Variants in TRPS1 observed in about 807,000 individuals in gnomAD.
TRPS1 encodes transcriptional repressor GATA binding 1, also known as zinc finger transcription factor Trps1.
TRPS1 carries 6 observed loss-of-function variants against 101.2 expected under a neutral mutation model. The ratio of observed to expected loss-of-function variants is 0.06; its 90% CI spans 0.03 to 0.12. TRPS1 has a LOEUF of 0.12. TRPS1 is among the 10% of genes least tolerant of loss of function. The pLI is 1.00. For synonymous variants in TRPS1, 578 were observed against 589.8 expected (o/e 0.98, Z 0.29); for missense variants, 1,363 against 1,567.0 (o/e 0.87, Z 2.20).
At chr8:115,640,579 C>T (rs1291730280) in intron 1 of TRPS1, among the ~76,000 whole-genome samples, 6 of 152,256 alleles carry the variant, frequency 3.9e-5, no homozygotes, top group East Asian at 3.9e-4. Context: ...AATATGAACA[C>T]GCATAAAACA....
intron 5 of TRPS1, among the ~76,000 whole-genome samples, chr8:115,499,598 A>G (rs946110495): frequency 6.6e-6 from 1 of 152,254 alleles, no homozygotes; most frequent in African/African-American, 2.4e-5. Context: ...TAAATCAACA[A>G]GAACATTAGA....
At chr8:115,439,025 G>A (rs564528708) in intron 5 of TRPS1, among the ~76,000 whole-genome samples, 8 of 152,142 alleles carry the variant, frequency 5.3e-5, no homozygotes, top group Non-Finnish European at 8.8e-5. Context: ...CTATCCCTGG[G>A]ACATGGGGTA....
Position 115,624,054 on chromosome 8 carries a change from A to C in TRPS1, c.-121-296T>G, listed in dbSNP as rs2721940. ...TCAACCCTAATGACCATAATACTTA[A>C]CTACATTGGGGTGGGGATAAAAGAT... is the stretch of plus-strand genomic sequence containing the variant. On this transcript the variant is annotated intron_variant, in intron 1 of 6. Transcript: ENST00000395715. Among the ~76,000 whole-genome samples, 110,183 of 151,858 alleles carry C rather than the reference A, an allele frequency of 0.73. 41,358 individuals are homozygous for C. The highest frequency in any genetic ancestry group is 0.92 in the African/African-American group (38,057 of 41,532).
chr8:115,419,901 A>G (rs544230623), intron 5 of TRPS1, among the ~76,000 whole-genome samples: 1 of 152,284 alleles, frequency 6.6e-6, no homozygotes, highest in South Asian at 2.1e-4. Flanking sequence ...ATCCTCCATT[A>G]ATCATCAATA....
At position 115,619,503 on chromosome 8, in the gene TRPS1, T is replaced by G. The variant is rs770673384; in HGVS notation, c.595A>C (p.Asn199His). The change falls in exon 3 of 7, where the codon AAC becomes CAC. Residue 199 changes from asparagine (N) to histidine (H), a missense_variant. Transcript: ENST00000395715. Reference protein sequence around the residue: ...GLSPVSVASKNPQVPSDGGVR... With the variant: ...GLSPVSVASKHPQVPSDGGVR... ...CCCCCATCTGAAGGCACTTGTGGGT[T>G]TTTTGAGGCCACTGAAACTGGGCTC... is the stretch of plus-strand genomic sequence containing the variant. The G allele has an allele frequency of 1.9e-6, 3 of 1,614,186 alleles. No individual in the cohort carries two copies. The highest frequency in any genetic ancestry group is 2.5e-6 in the Non-Finnish European group (3 of 1,180,024).
chr8:115,607,498 T>C (rs999834240), intron 3 of TRPS1, among the ~76,000 whole-genome samples: 1 of 151,766 alleles, frequency 6.6e-6, no homozygotes, highest in African/African-American at 2.4e-5. Context: ...GGCTATATAT[T>C]TTAATTATGC....
intron 5 of TRPS1, among the ~76,000 whole-genome samples, chr8:115,564,604 T>C (rs1817024437): frequency 6.6e-6 from 1 of 152,100 alleles, no homozygotes; most frequent in Non-Finnish European, 1.5e-5. Context: ...GGTGTACGTT[T>C]AAACAGCTCA....
At chr8:115,440,812 T>C (rs781433853) in intron 5 of TRPS1, among the ~76,000 whole-genome samples, 10 of 152,210 alleles carry the variant, frequency 6.6e-5, no homozygotes, top group Non-Finnish European at 1.0e-4. Flanking sequence ...GTTACCTAGA[T>C]AGTACTGTCA....
At chr8:115,573,989 A>G (rs1444144696) in intron 5 of TRPS1, among the ~76,000 whole-genome samples, 1 of 152,194 alleles carries the variant, frequency 6.6e-6, no homozygotes, top group African/African-American at 2.4e-5. Context: ...TCTTTAAACA[A>G]TCATAATCAT....
chr8:115,604,709 A>C lies in TRPS1; in HGVS notation c.1260T>G (p.Asp420Glu), dbSNP rs370908397. Residue 420 changes from aspartate (D) to glutamate (E), a missense_variant, in exon 4 of 7, where the codon GAT becomes GAG. Around this residue, in one of 5 missense-constraint regions of TRPS1, gnomAD observed 1,020 missense variants for 1,073.0 expected, o/e 0.95. Coordinates refer to ENST00000395715, the MANE Select transcript of TRPS1 (RefSeq NM_014112.5). The surrounding 1 kb of genome is among the most constrained non-coding windows in gnomAD (Gnocchi z 4.1). ...GCACTGAGTACCCAACAGGAGTGTC[A>C]TCTCCTGCTTTGACTGTTATCTTGT... ...WQDKITVKAG[D>E]DTPVGYSVPI... is the part of the protein sequence containing the mutation. 6.2e-6 allele frequency: 10 copies of C among 1,613,770 alleles called. No individual in the cohort carries two copies. The African/African-American group carries it at 1.2e-4, about 19-fold the overall frequency.
At chr8:115,518,723 T>G (rs1042641745) in intron 5 of TRPS1, among the ~76,000 whole-genome samples, 4 of 151,870 alleles carry the variant, frequency 2.6e-5, no homozygotes, top group South Asian at 2.1e-4. Flanking sequence ...AAAGAAACTC[T>G]GTATGGCATA....
intron 5 of TRPS1, among the ~76,000 whole-genome samples, chr8:115,534,456 C>G (rs898654076): frequency 6.6e-6 from 1 of 152,108 alleles, no homozygotes; most frequent in Non-Finnish European, 1.5e-5. Context: ...GAAGCTCTAA[C>G]CCCGATACCA....
At chr8:115,471,217 C>T (rs1361937009) in intron 5 of TRPS1, among the ~76,000 whole-genome samples, 1 of 152,116 alleles carries the variant, frequency 6.6e-6, no homozygotes, top group African/African-American at 2.4e-5. Flanking sequence ...TTATAAAGAT[C>T]AGAGGTTTAA....
At chr8:115,597,677 G>A (rs76731321) in intron 4 of TRPS1, among the ~76,000 whole-genome samples, 2,485 of 151,886 alleles carry the variant, frequency 0.016, 59 homozygotes, top group African/African-American at 0.057. Flanking sequence ...TTGTGAGTGT[G>A]GTGTGTCATG....
At chr8:115,511,494 TTTTC>T (rs1470026342) in intron 5 of TRPS1, among the ~76,000 whole-genome samples, 3 of 151,868 alleles carry the variant, frequency 2.0e-5, no homozygotes, top group Admixed American at 6.6e-5. Flanking sequence ...TTTCCTATCT[TTTTC>T]TTTCTCTTCT....
intron 5 of TRPS1, among the ~76,000 whole-genome samples, chr8:115,487,122 T>C (rs1814900956): frequency 6.6e-6 from 1 of 152,200 alleles, no homozygotes; most frequent in African/African-American, 2.4e-5. Context: ...CTAAAATACC[T>C]GGAGCCCTTA....
At chr8:115,566,045 C>T (rs879021926) in intron 5 of TRPS1, among the ~76,000 whole-genome samples, 11 of 152,080 alleles carry the variant, frequency 7.2e-5, no homozygotes, top group Admixed American at 1.3e-4. Context: ...TTAGCAAATT[C>T]GTGGCCATAT....
intron 4 of TRPS1, among the ~76,000 whole-genome samples, chr8:115,594,649 T>G (rs932612977): frequency 6.6e-6 from 1 of 152,026 alleles, no homozygotes; most frequent in Non-Finnish European, 1.5e-5. Flanking sequence ...AGAATTTTCA[T>G]GTGCCATAAA....
rs764414669 is a variant in TRPS1 at position 115,587,198 on chromosome 8, C to T, written c.2503G>A (p.Glu835Lys). 3 of 1,614,232 alleles carry T rather than the reference C, an allele frequency of 1.9e-6. No homozygotes were observed. Among genetic ancestry groups the T allele is most frequent in the South Asian group, 2.2e-5 (2 of 91,088 alleles). The change falls in exon 5 of 7, where the codon GAG becomes AAG. Residue 835 changes from glutamate to lysine, a missense_variant. By Grantham distance (56) the Glu-to-Lys change is moderately conservative. Around this residue, in one of 5 missense-constraint regions of TRPS1, gnomAD observed 1,020 missense variants for 1,073.0 expected, o/e 0.95. Coordinates refer to ENST00000395715, the MANE Select transcript of TRPS1 (RefSeq NM_014112.5). ...CTATCCCTTAGAGTCTTTGTCTGCT[C>T]TTGGGTGCCAGACACAGGCGTCAGC... The part of the protein sequence containing the change: ...GLLTPVSGTQ[E>K]QTKTLRDSPN...
Sources: gnomAD v4.1 joint callset for allele counts (sites outside exome capture counted in the v4.1 genomes callset) on GRCh38, gnomAD v4.1.1 for gene constraint, gnomAD v4.1.1 regional missense constraint, Gnocchi (gnomAD v3.1) non-coding constraint, MANE v1.5 for transcripts, NCBI Gene and HGNC (gene_info 2026-07-23, HGNC 2026-07-21) for gene names.